ARNT2: variants seen among roughly 807,000 people sequenced by gnomAD.
The protein encoded by ARNT2 is aryl hydrocarbon receptor nuclear translocator 2, also known as ARNT protein 2.
ARNT2 carries 36 observed loss-of-function variants against 91.7 expected under a neutral mutation model. That is an observed-to-expected ratio of 0.39 (90% CI 0.30 to 0.52). ARNT2 has a LOEUF of 0.52. Ranked by LOEUF, ARNT2 falls within the 20% of genes least tolerant of loss-of-function variation. ARNT2 has a pLI of 0.72. For missense variants in ARNT2, 775 were observed against 939.3 expected, an observed-to-expected ratio of 0.83 and a Z score of 2.29; for synonymous variants, 365 against 347.1, an observed-to-expected ratio of 1.05 and a Z score of -0.57.
At chr15:80,492,338 C>T (rs1280948363) in intron 5 of ARNT2, among the ~76,000 whole-genome samples, 3 of 152,142 alleles carry the variant, frequency 2.0e-5, no homozygotes, top group Admixed American at 1.3e-4. Context: ...ATGCCTGGCT[C>T]AGTGTCTTGA....
chr15:80,494,254 G>A (rs1467861451), intron 5 of ARNT2, among the ~76,000 whole-genome samples: 6 of 151,922 alleles, frequency 3.9e-5, no homozygotes, highest in African/African-American at 1.2e-4. Flanking sequence ...CCCTTTTACT[G>A]TTTTTCTTCA....
intron 4 of ARNT2, among the ~76,000 whole-genome samples, chr15:80,472,486 G>A (rs1214546032): frequency 6.6e-6 from 1 of 152,218 alleles, no homozygotes; most frequent in Non-Finnish European, 1.5e-5. Context: ...AAAAGAATAA[G>A]GGATGAGGAA....
At chr15:80,480,759 C>T (rs752118929) in intron 5 of ARNT2, among the ~76,000 whole-genome samples, 7 of 152,036 alleles carry the variant, frequency 4.6e-5, no homozygotes, top group Non-Finnish European at 5.9e-5. Context: ...TCTCCCCATC[C>T]TTCCTGCCTG....
intron 2 of ARNT2, among the ~76,000 whole-genome samples, chr15:80,451,594 T>C (rs1659003029): frequency 6.6e-6 from 1 of 152,158 alleles, no homozygotes; most frequent in Non-Finnish European, 1.5e-5. Context: ...TCATGATCCA[T>C]AATGTTTGTG....
chr15:80,544,011 G>A (rs529083808), intron 8 of ARNT2, among the ~76,000 whole-genome samples: 35 of 152,252 alleles, frequency 2.3e-4, no homozygotes, highest in South Asian at 8.3e-4. Flanking sequence ...AAAGTGCTGG[G>A]ATTACAGGTG....
chr15:80,430,832 G>A (rs1895997154), intron 1 of ARNT2, among the ~76,000 whole-genome samples: 1 of 152,122 alleles, frequency 6.6e-6, no homozygotes, highest in South Asian at 2.1e-4. Flanking sequence ...CCTGTCCAGG[G>A]CAGCAGTGGG....
intron 12 of ARNT2, among the ~76,000 whole-genome samples, chr15:80,572,052 T>G (rs1898593539): frequency 6.6e-6 from 1 of 152,132 alleles, no homozygotes; most frequent in Non-Finnish European, 1.5e-5. Flanking sequence ...TCATCCCTTT[T>G]GAGGGTGCCA....
At chr15:80,467,572 G>T (rs1238124094) in intron 3 of ARNT2, among the ~76,000 whole-genome samples, 2 of 152,316 alleles carry the variant, frequency 1.3e-5, no homozygotes, top group Middle Eastern at 3.4e-3. Context: ...CAAGTGCGGG[G>T]CGGTGGCGTG....
chr15:80,515,493 C>T (rs190861698), intron 8 of ARNT2, among the ~76,000 whole-genome samples: 2 of 152,220 alleles, frequency 1.3e-5, no homozygotes, highest in South Asian at 2.1e-4. Context: ...CAAAAGGCCA[C>T]ATATTATATG....
chr15:80,470,199 T>C lies in ARNT2; in HGVS notation c.195-19T>C, dbSNP rs767771802. ...CTTCTCTTTTTTCCCCCTCTCCTGA[T>C]CTCGTGCTTTCTGGAAAGAGAGAAT... On this transcript the variant is annotated intron_variant, in intron 3 of 18. Coordinates refer to ENST00000303329, the MANE Select transcript of ARNT2 (RefSeq NM_014862.4). 3.1e-6 allele frequency: 5 copies of C among 1,609,242 alleles called. No homozygotes were observed. Among genetic ancestry groups the C allele is most frequent in the East Asian group, 2.2e-5 (1 of 44,842 alleles).
At chr15:80,524,336 C>A (rs992880560) in intron 8 of ARNT2, among the ~76,000 whole-genome samples, 1 of 152,080 alleles carries the variant, frequency 6.6e-6, no homozygotes, top group Non-Finnish European at 1.5e-5. Context: ...GTAGAATAAC[C>A]TGGCAGTGTG....
chr15:80,507,444 G>C (rs1897290667), intron 5 of ARNT2, among the ~76,000 whole-genome samples: 1 of 152,168 alleles, frequency 6.6e-6, no homozygotes, highest in South Asian at 2.1e-4. Flanking sequence ...TGCCCTTGCT[G>C]ATGTTTAGGG....
chr15:80,447,399 C>T (rs1461725822), intron 1 of ARNT2, among the ~76,000 whole-genome samples: 1 of 152,190 alleles, frequency 6.6e-6, no homozygotes, highest in Non-Finnish European at 1.5e-5. Context: ...GTGATTTCCT[C>T]CCTATACAGT....
Position 80,441,756 on chromosome 15 carries a change from C to T in ARNT2, c.32-9124C>T, listed in dbSNP as rs3901896. ...TACACTGTATTATAGGAATTCTACA[C>T]AGTACGTCTGCATCTGAAATGTGAA... On this transcript the variant is annotated intron_variant, in intron 1 of 18. Coordinates refer to ENST00000303329, the MANE Select transcript of ARNT2 (RefSeq NM_014862.4). Among the ~76,000 whole-genome samples the T allele has an allele frequency of 0.32, 49,004 of 152,112 alleles. 9,236 individuals carry two copies. The highest frequency in any genetic ancestry group is 0.56 in the East Asian group (2,872 of 5,174).
Position 80,550,213 on chromosome 15 carries a change from A to G in ARNT2, c.878-986A>G, listed in dbSNP as rs565745211. On this transcript the variant is annotated intron_variant, in intron 8 of 18. Coordinates refer to ENST00000303329, the MANE Select transcript of ARNT2 (RefSeq NM_014862.4). ...TAAGGATAAACCAGAAATGAAAGAG[A>G]CTGGTCACCTACAGAGGGTGAATGG... Among the ~76,000 whole-genome samples, 23 of 152,318 alleles carry G rather than the reference A, an allele frequency of 1.5e-4. 1 individual carries two copies. In the South Asian group the frequency reaches 4.6e-3, roughly 30 times the overall value.
intron 12 of ARNT2, among the ~76,000 whole-genome samples, chr15:80,569,918 G>A (rs1308130541): frequency 6.6e-6 from 1 of 152,360 alleles, no homozygotes; most frequent in East Asian, 1.9e-4. Flanking sequence ...GAGATTCTGG[G>A]CCTGGGCCAG....
Position 80,581,312 on chromosome 15 carries a change from A to G in ARNT2, c.1826A>G (p.Asp609Gly), listed in dbSNP as rs770741489. Reference protein sequence around the residue: ...GIGTSHTYPADPSSYSPLSSP... With the variant: ...GIGTSHTYPAGPSSYSPLSSP... Reference sequence around the variant, plus strand: ...GGAACGAGCCACACCTACCCGGCAGACCCCTCTTCCTACAGCCCCCTCTCC... The same window carrying G: ...GGAACGAGCCACACCTACCCGGCAGGCCCCTCTTCCTACAGCCCCCTCTCC... Residue 609 changes from aspartate (D) to glycine (G), a missense_variant, in exon 17 of 19, where the codon GAC (aspartate) becomes GGC (glycine). Asp to Gly is a moderately conservative substitution (Grantham distance 94). Coordinates refer to ENST00000303329, the MANE Select transcript of ARNT2 (RefSeq NM_014862.4). 1.2e-6 allele frequency: 2 copies of G among 1,613,774 alleles called. No individual in the cohort carries two copies. Among genetic ancestry groups the G allele is most frequent in the Non-Finnish European group, 1.7e-6 (2 of 1,179,952 alleles).
In ARNT2 at chr15:80,563,354, C is replaced by A. The variant is rs190462241; in HGVS notation, c.1316+115C>A. On this transcript the variant is annotated intron_variant, in intron 12 of 18. Transcript: ENST00000303329. The stretch of plus-strand genomic sequence containing the variant: ...GCCGGCTCTCCCTGCAGCTGGAAAT[C>A]CCTGTAGGATTAAGAATAGAGGAGA... 8.9e-5 allele frequency: 121 copies of A among 1,359,942 alleles called. No individual in the cohort carries two copies. The East Asian group carries it at 2.5e-3, about 28-fold the overall frequency. 84.2% of individuals were successfully genotyped at this position (1,359,942 alleles called of 1,614,324 possible).
Position 80,591,742 on chromosome 15 carries a change from C to A in ARNT2, c.2055+38C>A. On this transcript the variant is annotated intron_variant, in intron 18 of 18. Coordinates refer to ENST00000303329, the MANE Select transcript of ARNT2 (RefSeq NM_014862.4). This position sits in a 1 kb window ranked among gnomAD's most constrained non-coding sequence, Gnocchi z 5.1. ...AGCACCGCCTTCTCGTAGGTACCGG[C>A]GCCTTCTCTCTGCTTCCTTTCCCCC... 6.2e-7 allele frequency: 1 copy of A among 1,609,758 alleles called. No homozygotes were observed. Among genetic ancestry groups the A allele is most frequent in the African/African-American group, 1.3e-5 (1 of 74,982 alleles).
Sources: allele counts gnomAD v4.1 joint callset (sites outside exome capture counted in the v4.1 genomes callset), GRCh38; gene constraint gnomAD v4.1.1; non-coding constraint Gnocchi (gnomAD v3.1); transcripts MANE v1.5; gene names NCBI Gene and HGNC (gene_info 2026-07-23, HGNC 2026-07-21).